The following GBF1 variants were observed in gnomAD, a reference collection of about 807,000 sequenced individuals.
The protein encoded by GBF1 is Golgi-specific brefeldin A-resistance guanine nucleotide exchange factor 1.
GBF1 carries 114 observed loss-of-function variants against 210.5 expected under a neutral mutation model. The observed-to-expected ratio is 0.54, with a 90% CI of 0.47 to 0.63. The LOEUF (loss-of-function observed/expected upper bound fraction) is 0.63, where lower values mean the gene tolerates loss of function less well. GBF1 is among the 30% of genes least tolerant of loss of function. GBF1 has a pLI of 0.00. For missense variants in GBF1, 1,851 were observed against 2,357.7 expected, an observed-to-expected ratio of 0.79 and a Z score of 4.45; for synonymous variants, 850 against 889.2, an observed-to-expected ratio of 0.96 and a Z score of 0.78.
At chr10:102,371,464 G>A in intron 29 of GBF1, among the ~76,000 whole-genome samples, 1 of 152,172 alleles carries the variant, frequency 6.6e-6, no homozygotes, top group East Asian at 1.9e-4. Context: ...TTCATGGATT[G>A]GAAGGCTCAA....
At chr10:102,251,902 T>C (rs1167514841) in intron 1 of GBF1, among the ~76,000 whole-genome samples, 4 of 152,054 alleles carry the variant, frequency 2.6e-5, no homozygotes, top group African/African-American at 9.7e-5. Context: ...TGGCCGGGCA[T>C]GGTAGTTCAT....
Position 102,374,685 on chromosome 10 carries a change from A to G in GBF1, c.3661-674A>G, listed in dbSNP as rs373991864. Among the ~76,000 whole-genome samples, 4 of 152,364 alleles carry G rather than the reference A, an allele frequency of 2.6e-5. No individual in the cohort carries two copies. The East Asian group carries it at 7.7e-4, about 29-fold the overall frequency. On this transcript the variant is annotated intron_variant, in intron 29 of 39. Coordinates refer to ENST00000369983, the MANE Select transcript of GBF1 (RefSeq NM_001377137.1). ...AAACCTACACAGGTAATAAAATTGTATAGAAATTAATACACACAAAAATGC... is the reference window on the plus strand; with the variant it reads ...AAACCTACACAGGTAATAAAATTGTGTAGAAATTAATACACACAAAAATGC...
intron 13 of GBF1, among the ~76,000 whole-genome samples, 181 bp from the exon 14 acceptor site, chr10:102,361,537 C>G (rs924472035): frequency 7.9e-5 from 12 of 152,324 alleles, no homozygotes; most frequent in African/African-American, 2.9e-4. Context: ...CAGGCCTTAT[C>G]CCCCAACATG....
At chr10:102,318,892 C>G (rs908337419) in intron 3 of GBF1, among the ~76,000 whole-genome samples, 1 of 152,196 alleles carries the variant, frequency 6.6e-6, no homozygotes, top group Admixed American at 6.5e-5. Context: ...TAATTATCAC[C>G]CCATTTGGTT....
chr10:102,285,054 C>G (rs1334889222), intron 3 of GBF1, among the ~76,000 whole-genome samples: 3 of 152,140 alleles, frequency 2.0e-5, no homozygotes. Flanking sequence ...CTGGATGGCT[C>G]TTCTGGGCCA....
intron 3 of GBF1, among the ~76,000 whole-genome samples, chr10:102,266,503 C>T (rs1325517158): frequency 1.3e-5 from 2 of 152,168 alleles, no homozygotes; most frequent in Non-Finnish European, 2.9e-5. Flanking sequence ...TTTGACAGGA[C>T]TAATGACTCT....
In GBF1 at chr10:102,375,329, T is replaced by TCCCCGCTC. The variant is rs766762927; in HGVS notation, c.3661-27_3661-20dup. ...CTGTGTGCCCACACAGCTCCCCGCTTCCCCGCTCCCTGCCCTAACCCCACT... is the reference window on the plus strand; with the variant it reads ...CTGTGTGCCCACACAGCTCCCCGCTTCCCCGCTCCCCCGCTCCCTGCCCTAACCCCACT... On this transcript the variant is annotated intron_variant, in intron 29 of 39. Coordinates refer to ENST00000369983, the MANE Select transcript of GBF1 (RefSeq NM_001377137.1). The TCCCCGCTC allele has an allele frequency of 9.8e-6, 13 of 1,326,854 alleles. No homozygotes were observed. In the Admixed American group the frequency reaches 1.8e-4, roughly 19 times the overall value. 82.2% of individuals were successfully genotyped at this position (1,326,854 alleles called of 1,614,324 possible).
chr10:102,377,399 G>A, intron 33 of GBF1, among the ~76,000 whole-genome samples: 1 of 151,514 alleles, frequency 6.6e-6, no homozygotes, highest in East Asian at 2.0e-4. Flanking sequence ...TGTCACCCAG[G>A]CTGGAGTGCA....
At chr10:102,347,843 C>T (rs1174376888) in intron 4 of GBF1, among the ~76,000 whole-genome samples, 1 of 152,136 alleles carries the variant, frequency 6.6e-6, no homozygotes, top group Admixed American at 6.6e-5. Flanking sequence ...GCTGCCAGAC[C>T]AGAATTTTTG....
chr10:102,284,946 T>C (rs1181329509), intron 3 of GBF1, among the ~76,000 whole-genome samples: 1 of 152,146 alleles, frequency 6.6e-6, no homozygotes, highest in Non-Finnish European at 1.5e-5. Context: ...TGTTTTGTTT[T>C]ATATAGCTTC....
intron 3 of GBF1, among the ~76,000 whole-genome samples, chr10:102,321,510 A>G (rs1246174620): frequency 6.6e-6 from 1 of 152,140 alleles, no homozygotes; most frequent in Non-Finnish European, 1.5e-5. Context: ...ATACTGATTT[A>G]TTTGTTGTAG....
At chr10:102,337,235 G>C (rs924569744) in intron 3 of GBF1, among the ~76,000 whole-genome samples, 22 of 151,806 alleles carry the variant, frequency 1.4e-4, no homozygotes, top group Admixed American at 1.4e-3. Context: ...AAAGTTAGCC[G>C]GGCATGGTGG....
chr10:102,375,354 T>C lies in GBF1; in HGVS notation c.3661-5T>C. On this transcript the variant is annotated splice_polypyrimidine_tract_variant and splice_region_variant and intron_variant, in intron 29 of 39. Transcript: ENST00000369983. ...TCCCCGCTCCCTGCCCTAACCCCAC[T>C]CCAGGTGCTGCTCTCCCTGCGCATT... 6.3e-7 allele frequency: 1 copy of C among 1,585,266 alleles called. No individual in the cohort carries two copies. Among genetic ancestry groups the C allele is most frequent in the Non-Finnish European group, 8.7e-7 (1 of 1,154,128 alleles).
At chr10:102,359,228 C>G in intron 10 of GBF1, 39 bp from the exon 11 acceptor site, 1 of 1,489,826 alleles carries the variant, frequency 6.7e-7, no homozygotes, top group Non-Finnish European at 9.4e-7. Flanking sequence ...TTGCTCTTGC[C>G]TCATCCCTCT....
chr10:102,289,393 G>A (rs2485374), intron 3 of GBF1, among the ~76,000 whole-genome samples: 49,732 of 151,994 alleles, frequency 0.33, 8,808 homozygotes, highest in South Asian at 0.48. Flanking sequence ...AGAGAACAGG[G>A]GTGAGGTTGT....
At chr10:102,346,084 A>T (rs1589720081) in intron 4 of GBF1, among the ~76,000 whole-genome samples, 1 of 148,950 alleles carries the variant, frequency 6.7e-6, no homozygotes, top group East Asian at 2.1e-4. Flanking sequence ...CTTATTAATA[A>T]TTTTTTTAAT....
intron 3 of GBF1, among the ~76,000 whole-genome samples, chr10:102,338,718 A>G: frequency 6.6e-6 from 1 of 151,808 alleles, no homozygotes; most frequent in African/African-American, 2.4e-5. Context: ...AGGCCAAGGC[A>G]GGCGGATTAC....
rs1330121797 is a variant in GBF1, at chr10:102,358,046, T to A, written c.647T>A (p.Met216Lys). ...YVGTNMKKLK[M>K]RAGGMSDSSK... ...GGGGTATGATATTTCCAGCTGAAAA[T>A]GAGAGCCGGAGGCATGAGTGATTCA... The change falls in exon 9 of 40, where the codon ATG becomes AAG. Residue 216 changes from methionine to lysine, a missense_variant. Coordinates refer to ENST00000369983, the MANE Select transcript of GBF1 (RefSeq NM_001377137.1). 1 of 1,604,618 alleles carries A rather than the reference T, an allele frequency of 6.2e-7. No homozygotes were observed. Among genetic ancestry groups the A allele is most frequent in the Admixed American group, 1.7e-5 (1 of 59,972 alleles).
At chr10:102,301,545 A>G (rs1456181300) in intron 3 of GBF1, among the ~76,000 whole-genome samples, 2 of 151,796 alleles carry the variant, frequency 1.3e-5, no homozygotes, top group Non-Finnish European at 2.9e-5. Context: ...CTCACTTCTC[A>G]GACTGGGCAG....
Sources: allele counts gnomAD v4.1 joint callset (sites outside exome capture counted in the v4.1 genomes callset), GRCh38; gene constraint gnomAD v4.1.1; transcripts MANE v1.5; gene names NCBI Gene and HGNC (gene_info 2026-07-23, HGNC 2026-07-21).